PHLDB3: variants seen among roughly 807,000 people sequenced by gnomAD.
PHLDB3 encodes the protein pleckstrin homology like domain family B member 3.
A neutral mutation model predicts 85.7 loss-of-function variants in PHLDB3; 86 were observed. The ratio of observed to expected loss-of-function variants is 1.00; its 90% confidence interval spans 0.84 to 1.20. PHLDB3 has a LOEUF of 1.20. Among genes scored for constraint, PHLDB3 ranks in the 50% most tolerant of loss-of-function variants. PHLDB3 has a pLI of 0.00. For missense variants in PHLDB3, 995 were observed against 873.0 expected (o/e 1.14, Z -1.76); for synonymous variants, 376 against 349.8 (o/e 1.07, Z -0.83).
chr19:43,479,338 C>T, intron 14 of PHLDB3, 39 bp downstream of exon 14: 1 of 1,542,458 alleles, frequency 6.5e-7, no homozygotes. Context: ...GAGTGGAATT[C>T]CAGCGTCCTG....
At chr19:43,489,190 A>G (rs555806105) in intron 9 of PHLDB3, among the ~76,000 whole-genome samples, 3 of 152,210 alleles carry the variant, frequency 2.0e-5, no homozygotes, top group African/African-American at 7.2e-5. Flanking sequence ...AAAGAAAAAA[A>G]ACAGAACATA....
intron 9 of PHLDB3, among the ~76,000 whole-genome samples, chr19:43,487,618 C>G (rs182371738): frequency 2.3e-5 from 3 of 132,590 alleles, no homozygotes; most frequent in Non-Finnish European, 5.0e-5. Context: ...AAGAAATGTC[C>G]GGAACAGGCA....
intron 6 of PHLDB3, chr19:43,495,919 A>G: frequency 3.1e-6 from 1 of 319,800 alleles, no homozygotes; most frequent in Non-Finnish European, 5.7e-6. Flanking sequence ...ATAGAAATAG[A>G]ACAGAGACAA....
In PHLDB3 at chr19:43,487,133, C is replaced by A; in HGVS notation, c.1150-10G>T. 6.4e-7 allele frequency: 1 copy of A among 1,553,722 alleles called. No homozygotes were observed. Among genetic ancestry groups the A allele is most frequent in the Non-Finnish European group, 8.7e-7 (1 of 1,147,836 alleles). On this transcript the variant is annotated splice_polypyrimidine_tract_variant and intron_variant, in intron 9 of 15. Coordinates refer to ENST00000292140, the MANE Select transcript of PHLDB3 (RefSeq NM_198850.4). ...GGAGGCCAATGGAGCCCTGAAAACA[C>A]AAAAGGCTCATGAGCATAGGAAAAA...
chr19:43,475,928 T>TG (rs899199074), intron 15 of PHLDB3, among the ~76,000 whole-genome samples: 2 of 152,126 alleles, frequency 1.3e-5, no homozygotes, highest in Non-Finnish European at 2.9e-5. Flanking sequence ...CCCGAGTAGC[T>TG]GGGACTACAG....
At chr19:43,491,648 C>T (rs1056728772) in intron 9 of PHLDB3, among the ~76,000 whole-genome samples, 3 of 148,628 alleles carry the variant, frequency 2.0e-5, no homozygotes, top group African/African-American at 5.0e-5. Context: ...ATTATAGGCA[C>T]GCACCAGCAC....
chr19:43,479,797 C>T (rs1971006282), intron 13 of PHLDB3, among the ~76,000 whole-genome samples: 1 of 152,116 alleles, frequency 6.6e-6, no homozygotes, highest in African/African-American at 2.4e-5. Flanking sequence ...TGGACATCAG[C>T]TCCTTGGCAC....
Position 43,501,875 on chromosome 19 carries a change from C to A in PHLDB3, c.397-4G>T. On this transcript the variant is annotated splice_region_variant and splice_polypyrimidine_tract_variant and intron_variant, in intron 3 of 15. Coordinates refer to ENST00000292140, the MANE Select transcript of PHLDB3 (RefSeq NM_198850.4). ...GCAAGGCCACCTCCACCTCCATCTG[C>A]GGAGAGAATGCCAGGGCTGGGGGCT... 6.3e-7 allele frequency: 1 copy of A among 1,589,392 alleles called. No homozygotes were observed. Among genetic ancestry groups the A allele is most frequent in the Non-Finnish European group, 8.6e-7 (1 of 1,168,148 alleles).
At chr19:43,491,212 C>T (rs1162482294) in intron 9 of PHLDB3, among the ~76,000 whole-genome samples, 2 of 152,184 alleles carry the variant, frequency 1.3e-5, no homozygotes, top group African/African-American at 4.8e-5. Context: ...CTGACACCTA[C>T]CTTCATCAGG....
At chr19:43,494,184 A>T (rs2145929571) in intron 9 of PHLDB3, among the ~76,000 whole-genome samples, 1 of 152,096 alleles carries the variant, frequency 6.6e-6, no homozygotes, top group South Asian at 2.1e-4. Flanking sequence ...TAATTTTTGT[A>T]TTTTTAGTAG....
chr19:43,482,817 C>T (rs1476561296), intron 13 of PHLDB3, among the ~76,000 whole-genome samples: 2 of 152,162 alleles, frequency 1.3e-5, no homozygotes, highest in East Asian at 1.9e-4. Flanking sequence ...GGATTACAGG[C>T]GTGAGCCACC....
chr19:43,487,024 C>T lies in PHLDB3; in HGVS notation c.1249G>A (p.Glu417Lys). 2 of 1,558,744 alleles carry T rather than the reference C, an allele frequency of 1.3e-6. No individual in the cohort carries two copies. The highest frequency in any genetic ancestry group is 1.7e-6 in the Non-Finnish European group (2 of 1,155,590). The change falls in exon 10 of 16, where the codon GAA becomes AAA. Residue 417 changes from glutamate (E) to lysine (K), a missense_variant and splice_region_variant. Transcript: ENST00000292140. The stretch of plus-strand genomic sequence containing the variant: ...AAGTGGGGAACAGGGGGATCCTCAC[C>T]AGTACAATGGAAGGACAGAGGTCGG... ...SPRPLSFHCTESLEASALPPA... is the reference protein window; with the variant it reads ...SPRPLSFHCTKSLEASALPPA...
At position 43,495,322 on chromosome 19, in the gene PHLDB3, G is replaced by C. The variant is rs376589950; in HGVS notation, c.969C>G (p.Leu323=). The change falls in exon 8 of 16, where the codon CTC becomes CTG. Residue 323 remains leucine, a synonymous_variant. Coordinates refer to ENST00000292140, the MANE Select transcript of PHLDB3 (RefSeq NM_198850.4). ...GTGTTCCCTGAAGGCAATTGAGCTC[G>C]AGCAGCCGGCTCCGTTCCTACCAGA... ...QALSQERSRL[L]ELNCLQGTPG... 9.3e-6 allele frequency: 15 copies of C among 1,613,462 alleles called. No individual in the cohort carries two copies. Among genetic ancestry groups the C allele is most frequent in the Admixed American group, 1.7e-5 (1 of 59,918 alleles).
Position 43,495,549 on chromosome 19 carries a change from G to T in PHLDB3, c.897C>A (p.Ala299=). ...QLKSLGEQMA[A]ESRGLSRKKE... ...TCTTCCGGCTCAACCCCCGGCTCTC[G>T]GCTGCCATCTGCTCCCCCAGTGACT... The change falls in exon 7 of 16, where the codon GCC becomes GCA. Residue 299 remains alanine (A), a synonymous_variant. Transcript: ENST00000292140. The T allele has an allele frequency of 1.9e-6, 3 of 1,609,026 alleles. No homozygotes were observed. The East Asian group carries it at 6.7e-5, about 36-fold the overall frequency.
chr19:43,504,222 C>G (rs954820545), intron 1 of PHLDB3, 90 bp from the exon 2 acceptor site: 1 of 1,195,918 alleles, frequency 8.4e-7, no homozygotes. Flanking sequence ...GGAGACCCCC[C>G]CCCAAGGAGG....
intron 9 of PHLDB3, among the ~76,000 whole-genome samples, chr19:43,490,031 AAGAG>A (rs545217571): frequency 2.0e-5 from 3 of 147,324 alleles, no homozygotes; most frequent in Admixed American, 6.9e-5. Flanking sequence ...AAGAAAGAGC[AAGAG>A]AGAGAAAAAG....
In PHLDB3 at chr19:43,500,829, C is replaced by T. The variant is rs1242238216; in HGVS notation, c.534+905G>A. ...TTTGTATTTTTATTTTTCACAGAAA[C>T]GGTGTCTTATTATAATATTGCCAGG... On this transcript the variant is annotated intron_variant, in intron 4 of 15. Transcript: ENST00000292140. 2.0e-5 allele frequency among the ~76,000 whole-genome samples: 3 copies of T among 146,822 alleles called. No individual in the cohort carries two copies. The Admixed American group carries it at 2.1e-4, about 10-fold the overall frequency.
At chr19:43,477,769 C>G (rs1385538600) in intron 15 of PHLDB3, among the ~76,000 whole-genome samples, 1 of 147,570 alleles carries the variant, frequency 6.8e-6, no homozygotes, top group Admixed American at 6.7e-5. Context: ...GATGGCGCCA[C>G]TGTACTCAGG....
At chr19:43,476,979 A>T (rs1248551723) in intron 15 of PHLDB3, among the ~76,000 whole-genome samples, 1 of 152,120 alleles carries the variant, frequency 6.6e-6, no homozygotes, top group Non-Finnish European at 1.5e-5. Context: ...AAAATAAAAA[A>T]AAAAAAACAG....
Sources: gnomAD v4.1 joint callset for allele counts (sites outside exome capture counted in the v4.1 genomes callset) on GRCh38, gnomAD v4.1.1 for gene constraint, MANE v1.5 for transcripts, NCBI Gene and HGNC (gene_info 2026-07-23, HGNC 2026-07-21) for gene names.